Variants in MITF observed in about 807,000 individuals in gnomAD.
MITF encodes melanocyte inducing transcription factor.
Under a neutral mutation model 60.5 loss-of-function variants are expected in MITF, and 17 were observed. That is an observed-to-expected ratio of 0.28 (90% CI 0.19 to 0.42). MITF has a LOEUF of 0.42. Among genes scored for constraint, MITF ranks in the 10% least tolerant of loss-of-function variants. The pLI, the probability that MITF is intolerant of heterozygous loss-of-function variation, is 1.00. For missense variants in MITF, 622 were observed against 683.5 expected (o/e 0.91, Z 1.00); for synonymous variants, 260 against 248.5 (o/e 1.05, Z -0.43).
In MITF at chr3:69,936,000, A is replaced by C. The variant is rs191814169; in HGVS notation, c.355-1822A>C. ...GAGATATTTATTTCTTATTATCCAC[A>C]TAAATATATATCCACTTCTGTGTGT... On this transcript the variant is annotated intron_variant, in intron 2 of 9. Coordinates refer to ENST00000352241, the MANE Select transcript of MITF (RefSeq NM_001354604.2). 1.2e-3 allele frequency among the ~76,000 whole-genome samples: 180 copies of C among 152,326 alleles called. 3 individuals are homozygous for C. In the East Asian group the frequency reaches 0.026, roughly 22 times the overall value.
chr3:69,920,885 C>T (rs1274316198), intron 2 of MITF, among the ~76,000 whole-genome samples: 1 of 152,138 alleles, frequency 6.6e-6, no homozygotes, highest in Non-Finnish European at 1.5e-5. Context: ...CTGGTCCCTA[C>T]AAGACAGAGT....
chr3:69,847,238 G>GT (rs1355903132), intron 1 of MITF, among the ~76,000 whole-genome samples: 2 of 152,264 alleles, frequency 1.3e-5, no homozygotes, highest in Admixed American at 6.5e-5. Context: ...TGAGCTCACA[G>GT]TAAGAGCTCA....
chr3:69,774,697 C>T (rs1219678107), intron 1 of MITF, among the ~76,000 whole-genome samples: 2 of 152,290 alleles, frequency 1.3e-5, no homozygotes, highest in East Asian at 3.9e-4. Context: ...CTTTCCCCTT[C>T]AACTGAGGCT....
chr3:69,757,622 G>C (rs1464009186), intron 1 of MITF, among the ~76,000 whole-genome samples: 1 of 151,986 alleles, frequency 6.6e-6, no homozygotes, highest in Non-Finnish European at 1.5e-5. Context: ...AGGACACCCT[G>C]AACTTGGGGA....
At chr3:69,895,105 C>G (rs1185259366) in intron 2 of MITF, among the ~76,000 whole-genome samples, 2 of 152,114 alleles carry the variant, frequency 1.3e-5, no homozygotes, top group African/African-American at 4.8e-5. Context: ...GGAGAATCGC[C>G]CACCTACAGA....
rs1000202944 is a variant in MITF, at chr3:69,741,748, C to T, written c.104+2047C>T. ...TTGAAATAAACCAGTTAAATAAAAT[C>T]TGTGAATAAATATATGGAGTTGGCA... On this transcript the variant is annotated intron_variant, in intron 1 of 9. Coordinates refer to ENST00000352241, the MANE Select transcript of MITF (RefSeq NM_001354604.2). Among the ~76,000 whole-genome samples, 2 of 152,182 alleles carry T rather than the reference C, an allele frequency of 1.3e-5. 1 individual carries two copies. The highest frequency in any genetic ancestry group is 1.3e-4 in the Admixed American group (2 of 15,280).
intron 2 of MITF, among the ~76,000 whole-genome samples, chr3:69,935,099 C>T (rs540881347): frequency 7.9e-5 from 12 of 152,304 alleles, no homozygotes; most frequent in African/African-American, 2.9e-4. Flanking sequence ...TATTACCTTC[C>T]TCGTAGCTCA....
rs528276006 is a variant in MITF, at chr3:69,966,818, C to T, written c.*1570C>T. ...GAATAGCAAGTGGCATAAAGCATATCCATTCAGAATGAAGTGCCTTAAATA... is the reference window on the plus strand; with the variant it reads ...GAATAGCAAGTGGCATAAAGCATATTCATTCAGAATGAAGTGCCTTAAATA... On this transcript the variant is annotated 3_prime_UTR_variant, in exon 10 of 10. Coordinates refer to ENST00000352241, the MANE Select transcript of MITF (RefSeq NM_001354604.2). The T allele has an allele frequency of 5.1e-4, 119 of 232,808 alleles. No homozygotes were observed. The highest frequency in any genetic ancestry group is 8.1e-4 in the Non-Finnish European group (95 of 117,590). The allele number at this position is 232,808 out of a possible 1,614,324, so 14.4% of individuals were successfully genotyped here.
intron 1 of MITF, among the ~76,000 whole-genome samples, chr3:69,761,805 A>ATAT: frequency 6.6e-6 from 1 of 152,200 alleles, no homozygotes; most frequent in East Asian, 1.9e-4. Context: ...TGTGGTATAT[A>ATAT]AGTAAGTGGT....
chr3:69,797,905 A>T (rs1027145445), intron 1 of MITF, among the ~76,000 whole-genome samples: 1 of 152,232 alleles, frequency 6.6e-6, no homozygotes, highest in Non-Finnish European at 1.5e-5. Flanking sequence ...TGCAGAAGCA[A>T]CGTACATTTT....
intron 1 of MITF, among the ~76,000 whole-genome samples, chr3:69,822,506 A>G (rs1195075243): frequency 1.3e-5 from 2 of 152,232 alleles, no homozygotes; most frequent in Non-Finnish European, 2.9e-5. Flanking sequence ...AAGTCACACC[A>G]AAACACAGAC....
At chr3:69,826,756 C>G (rs2063361523) in intron 1 of MITF, among the ~76,000 whole-genome samples, 1 of 152,142 alleles carries the variant, frequency 6.6e-6, no homozygotes, top group Non-Finnish European at 1.5e-5. Context: ...CACATAAGTA[C>G]TCAAATAATG....
intron 1 of MITF, among the ~76,000 whole-genome samples, chr3:69,819,599 G>T (rs1275685608): frequency 6.7e-6 from 1 of 149,488 alleles, no homozygotes; most frequent in Non-Finnish European, 1.5e-5. Flanking sequence ...AACTTTCTGG[G>T]TTGGAAGAGT....
intron 2 of MITF, among the ~76,000 whole-genome samples, chr3:69,889,487 T>TA (rs372955963): frequency 0.033 from 4,316 of 130,124 alleles, 117 homozygotes; most frequent in African/African-American, 0.087. Context: ...CTAAAAATAG[T>TA]AAAAAAAAAA....
intron 9 of MITF, among the ~76,000 whole-genome samples, chr3:69,960,398 G>GT (rs2066510698): frequency 6.6e-6 from 1 of 152,178 alleles, no homozygotes; most frequent in African/African-American, 2.4e-5. Context: ...ATATGCACCA[G>GT]TGTAAGCCGG....
chr3:69,820,529 T>C (rs952977629), intron 1 of MITF, among the ~76,000 whole-genome samples: 1 of 152,226 alleles, frequency 6.6e-6, no homozygotes, highest in South Asian at 2.1e-4. Flanking sequence ...GCTTAAAATT[T>C]ATTCTCATTG....
intron 1 of MITF, chr3:69,763,948 A>G (rs940545554): frequency 2.1e-5 from 28 of 1,351,114 alleles, no homozygotes; most frequent in Non-Finnish European, 2.7e-5. Context: ...AGAAGGTAAT[A>G]CAGATGATAA....
chr3:69,752,589 C>T (rs1162124820), intron 1 of MITF, among the ~76,000 whole-genome samples: 1 of 152,154 alleles, frequency 6.6e-6, no homozygotes, highest in Non-Finnish European at 1.5e-5. Context: ...TTCTAAGCAG[C>T]AAAGTATTCA....
At chr3:69,800,862 T>A (rs1342943144) in intron 1 of MITF, among the ~76,000 whole-genome samples, 3 of 152,140 alleles carry the variant, frequency 2.0e-5, no homozygotes, top group African/African-American at 7.2e-5. Context: ...GGAAACAGCA[T>A]GCTTAGAGAA....
Sources: allele counts gnomAD v4.1 joint callset (sites outside exome capture counted in the v4.1 genomes callset), GRCh38; gene constraint gnomAD v4.1.1; transcripts MANE v1.5; gene names NCBI Gene and HGNC (gene_info 2026-07-23, HGNC 2026-07-21).